ELOVL6: variants seen among roughly 807,000 people sequenced by gnomAD.
ELOVL6 encodes the protein ELOVL fatty acid elongase 6.
Under a neutral mutation model 31.7 loss-of-function variants are expected in ELOVL6, and 8 were observed. That is an observed-to-expected ratio of 0.25 (90% CI 0.15 to 0.45). The LOEUF (loss-of-function observed/expected upper bound fraction) is 0.45. ELOVL6 is among the 20% of genes least tolerant of loss of function. The probability of loss-of-function intolerance (pLI) is 1.00; values close to 1 mark genes in which losing one functional copy is unlikely to be tolerated. For missense variants in ELOVL6, 126 were observed against 326.4 expected (o/e 0.39, Z 4.73); for synonymous variants, 101 against 117.7 (o/e 0.86, Z 0.92).
At chr4:110,171,752 AG>A (rs1301712359) in intron 1 of ELOVL6, among the ~76,000 whole-genome samples, 1 of 127,014 alleles carries the variant, frequency 7.9e-6, no homozygotes, top group Non-Finnish European at 1.5e-5. Context: ...GGAGTACAGT[AG>A]CACTATCTTG....
intron 1 of ELOVL6, among the ~76,000 whole-genome samples, chr4:110,113,244 A>AT (rs1578489924): frequency 1.3e-5 from 2 of 149,540 alleles, no homozygotes; most frequent in African/African-American, 4.9e-5. Flanking sequence ...AAAAAAAAAA[A>AT]GAGGAAAGCT....
chr4:110,078,763 C>T (rs1195891102), intron 2 of ELOVL6, among the ~76,000 whole-genome samples: 1 of 152,134 alleles, frequency 6.6e-6, no homozygotes, highest in African/African-American at 2.4e-5. Flanking sequence ...TGTAAATGGG[C>T]TAAATGCTCC....
chr4:110,124,800 GAAGAAACTGCCA>G (rs1757450353), intron 1 of ELOVL6, among the ~76,000 whole-genome samples: 2 of 151,868 alleles, frequency 1.3e-5, no homozygotes, highest in Admixed American at 6.6e-5. Context: ...GCTAGTTCTT[GAAGAAACTGCCA>G]GGATTACTCT....
intron 1 of ELOVL6, among the ~76,000 whole-genome samples, chr4:110,148,821 G>A (rs1404777150): frequency 6.6e-6 from 1 of 152,140 alleles, no homozygotes; most frequent in Non-Finnish European, 1.5e-5. Context: ...AATAACAGAT[G>A]TTGGTAAGGA....
intron 1 of ELOVL6, among the ~76,000 whole-genome samples, chr4:110,133,368 C>G (rs1161496885): frequency 3.9e-5 from 6 of 152,306 alleles, no homozygotes; most frequent in African/African-American, 1.4e-4. Flanking sequence ...AACCTCAAAC[C>G]TCAAGGACAG....
intron 1 of ELOVL6, among the ~76,000 whole-genome samples, chr4:110,144,054 CAAAAA>C (rs10716398): frequency 1.2e-5 from 1 of 85,626 alleles, no homozygotes. Flanking sequence ...AACTCCATCT[CAAAAA>C]AAAAAAAAAA....
At chr4:110,195,450 G>A (rs1759744795) in intron 1 of ELOVL6, among the ~76,000 whole-genome samples, 1 of 152,086 alleles carries the variant, frequency 6.6e-6, no homozygotes, top group Admixed American at 6.6e-5. Flanking sequence ...AGTGTTTAAA[G>A]TCTTTTTGGC....
chr4:110,050,176 G>C lies in ELOVL6; in HGVS notation c.*1162C>G, dbSNP rs534971140. On this transcript the variant is annotated 3_prime_UTR_variant, in exon 4 of 4. Transcript: ENST00000302274. ...CTACATTGCTTGGGGAGCAAATGCA[G>C]ATGATGCAGAAACACAGTGTTCCCC... The C allele has an allele frequency of 6.6e-6, 1 of 152,670 alleles. No homozygotes were observed. 9.5% of individuals were successfully genotyped at this position (152,670 alleles called of 1,614,324 possible). A position where few individuals can be genotyped will look rare whatever the true frequency, so the allele number is the denominator to read the frequency against.
chr4:110,179,636 G>C (rs1759214297), intron 1 of ELOVL6, among the ~76,000 whole-genome samples: 1 of 152,188 alleles, frequency 6.6e-6, no homozygotes, highest in South Asian at 2.1e-4. Context: ...GCAAGCTATT[G>C]ATGGTCTGGC....
chr4:110,051,842 C>T lies in ELOVL6; in HGVS notation c.374-80G>A. ...ACTTACAGTTTTGTAAGAGGGTAGA[C>T]ATCCTGAGCTAGGACTGGAGAGTTA... On this transcript the variant is annotated intron_variant, in intron 3 of 3. Transcript: ENST00000302274. The surrounding 1 kb of genome is among the most constrained non-coding windows in gnomAD (Gnocchi z 4.8). The T allele has an allele frequency of 1.7e-6, 2 of 1,210,068 alleles. No individual in the cohort carries two copies. Among genetic ancestry groups the T allele is most frequent in the Non-Finnish European group, 1.2e-6 (1 of 851,336 alleles). 75.0% of individuals were successfully genotyped at this position (1,210,068 alleles called of 1,614,324 possible).
intron 1 of ELOVL6, among the ~76,000 whole-genome samples, chr4:110,130,818 C>A (rs1405775440): frequency 6.6e-6 from 1 of 152,126 alleles, no homozygotes; most frequent in Non-Finnish European, 1.5e-5. Context: ...ATGCACATGA[C>A]CATCAGTCAT....
At chr4:110,063,686 T>G (rs988452531) in intron 2 of ELOVL6, among the ~76,000 whole-genome samples, 1 of 151,824 alleles carries the variant, frequency 6.6e-6, no homozygotes, top group Non-Finnish European at 1.5e-5. Context: ...TCTGGACCAC[T>G]GTGTTGAATG....
chr4:110,198,025 A>C (rs550688468), intron 1 of ELOVL6: 3 of 604,804 alleles, frequency 5.0e-6, no homozygotes, highest in African/African-American at 1.9e-5. Flanking sequence ...AAAGATGCCT[A>C]TGTAGCCGCG....
chr4:110,115,914 T>C (rs1488164194), intron 1 of ELOVL6, among the ~76,000 whole-genome samples: 1 of 152,182 alleles, frequency 6.6e-6, no homozygotes, highest in Non-Finnish European at 1.5e-5. Flanking sequence ...TAGAGTCCAC[T>C]TGACATTCCT....
At chr4:110,102,957 G>A (rs1010943858) in intron 2 of ELOVL6, among the ~76,000 whole-genome samples, 2 of 151,790 alleles carry the variant, frequency 1.3e-5, no homozygotes, top group Non-Finnish European at 2.9e-5. Context: ...GGGGAGGGGC[G>A]GTAATCGAAT....
At chr4:110,174,954 CTAATT>C (rs1206810282) in intron 1 of ELOVL6, among the ~76,000 whole-genome samples, 1 of 151,942 alleles carries the variant, frequency 6.6e-6, no homozygotes, top group African/African-American at 2.4e-5. Flanking sequence ...TCTTCTTAAT[CTAATT>C]TTACGGACCA....
chr4:110,100,493 T>TG (rs1418678696), intron 2 of ELOVL6, among the ~76,000 whole-genome samples: 1 of 152,178 alleles, frequency 6.6e-6, no homozygotes, highest in Non-Finnish European at 1.5e-5. Context: ...TTTGTTTGTT[T>TG]TTTTTTAAGT....
intron 2 of ELOVL6, among the ~76,000 whole-genome samples, chr4:110,084,549 C>CAGATATATATTT (rs1560815682): frequency 8.2e-5 from 6 of 72,730 alleles, no homozygotes; most frequent in Admixed American, 3.2e-4. Flanking sequence ...CACACACACA[C>CAGATATATATTT]ACACACACAC....
Position 110,059,759 on chromosome 4 carries a change from A to G in ELOVL6, c.222-5T>C. The G allele has an allele frequency of 1.9e-6, 3 of 1,603,074 alleles. No individual in the cohort carries two copies. The highest frequency in any genetic ancestry group is 2.6e-6 in the Non-Finnish European group (3 of 1,174,790). The stretch of plus-strand genomic sequence containing the variant: ...GTTCGAAGAGCACCGAATATACTTC[A>G]TAATGAAAAGAGAAAAGAAACAGCA... On this transcript the variant is annotated splice_region_variant and splice_polypyrimidine_tract_variant and intron_variant, in intron 2 of 3. Coordinates refer to ENST00000302274, the MANE Select transcript of ELOVL6 (RefSeq NM_024090.3).
Sources: gnomAD v4.1 joint callset for allele counts (sites outside exome capture counted in the v4.1 genomes callset) on GRCh38, gnomAD v4.1.1 for gene constraint, Gnocchi (gnomAD v3.1) non-coding constraint, MANE v1.5 for transcripts, NCBI Gene and HGNC (gene_info 2026-07-23, HGNC 2026-07-21) for gene names.